SH2D3C: variants seen among roughly 807,000 people sequenced by gnomAD.
SH2D3C encodes the protein SH2 domain-containing protein 3C.
Under a neutral mutation model 75.2 loss-of-function variants are expected in SH2D3C, and 25 were observed. The ratio of observed to expected loss-of-function variants is 0.33; its 90% CI spans 0.24 to 0.46. SH2D3C has a LOEUF of 0.46. Ranked by LOEUF, SH2D3C falls within the 20% of genes least tolerant of loss-of-function variation. The pLI is 1.00. For synonymous variants in SH2D3C, 450 were observed against 473.7 expected (o/e 0.95, Z 0.65); for missense variants, 933 against 1,165.3 (o/e 0.80, Z 2.90).
At position 127,751,043 on chromosome 9, in the gene SH2D3C, C is replaced by A. The variant is rs1845187118; in HGVS notation, c.684+129G>T. 4.7e-6 allele frequency: 4 copies of A among 848,980 alleles called. No homozygotes were observed. Among genetic ancestry groups the A allele is most frequent in the African/African-American group, 1.7e-5 (1 of 59,326 alleles). 52.6% of individuals were successfully genotyped at this position (848,980 alleles called of 1,614,324 possible). A position where few individuals can be genotyped will look rare whatever the true frequency, so the allele number is the denominator to read the frequency against. The stretch of plus-strand genomic sequence containing the variant: ...TAAAGGGCAGAGCTAGACCTCATCC[C>A]AGTCCATTCTGATTGAATCCACCAA... On this transcript the variant is annotated intron_variant, in intron 4 of 11. Coordinates refer to ENST00000314830, the MANE Select transcript of SH2D3C (RefSeq NM_170600.3). This position sits in a 1 kb window ranked among gnomAD's most constrained non-coding sequence, Gnocchi z 4.1.
chr9:127,769,500 C>A (rs56853710), intron 2 of SH2D3C, among the ~76,000 whole-genome samples: 11,050 of 151,214 alleles, frequency 0.073, 959 homozygotes, highest in African/African-American at 0.21. Flanking sequence ...CACACACACA[C>A]ACAAAATTAG....
intron 2 of SH2D3C, among the ~76,000 whole-genome samples, chr9:127,770,501 C>T (rs896757898): frequency 2.6e-5 from 4 of 152,164 alleles, no homozygotes; most frequent in Admixed American, 6.5e-5. Flanking sequence ...ATCTCATGGG[C>T]CAGGCTGCTC....
chr9:127,742,808 G>A (rs773955599), intron 8 of SH2D3C, 41 bp downstream of exon 8: 1 of 1,503,204 alleles, frequency 6.7e-7, no homozygotes, highest in Non-Finnish European at 9.1e-7. Flanking sequence ...TGCGGTAGCC[G>A]GGGGTTCCCC....
At chr9:127,767,130 G>A (rs1845650672) in intron 2 of SH2D3C, 2 of 1,535,712 alleles carry the variant, frequency 1.3e-6, no homozygotes, top group Non-Finnish European at 1.7e-6. Flanking sequence ...GGAGCCCTCA[G>A]TTTTCCTGAG....
In SH2D3C at chr9:127,749,387, G is replaced by A. The variant is rs1310617689; in HGVS notation, c.963C>T (p.Arg321=). The A allele has an allele frequency of 2.5e-6, 4 of 1,614,076 alleles. No individual in the cohort carries two copies. The highest frequency in any genetic ancestry group is 4.5e-5 in the East Asian group (2 of 44,888). The change falls in exon 5 of 12, where the codon CGC becomes CGT. Residue 321 remains arginine (R), a synonymous_variant. Transcript: ENST00000314830. The surrounding 1 kb of genome is among the most constrained non-coding windows in gnomAD (Gnocchi z 5.9). ...SGAIIYCPVN[R]TFPLRYLEAS... is the part of the protein sequence containing the mutation. Reference sequence around the variant, plus strand: ...CCTCGAGGTAGCGCAGTGGGAAGGTGCGGTTCACCGGGCAGTAGATGATGG... The same window carrying A: ...CCTCGAGGTAGCGCAGTGGGAAGGTACGGTTCACCGGGCAGTAGATGATGG...
At chr9:127,767,390 G>A (rs1845655334) in intron 2 of SH2D3C, 5 of 1,249,150 alleles carry the variant, frequency 4.0e-6, no homozygotes, top group Admixed American at 2.9e-5. Flanking sequence ...TTGACCCAGG[G>A]CATGCAGCTG....
chr9:127,773,546 C>T (rs1845767363), intron 2 of SH2D3C, among the ~76,000 whole-genome samples: 1 of 152,200 alleles, frequency 6.6e-6, no homozygotes, highest in African/African-American at 2.4e-5. Context: ...TGCCAGTTTT[C>T]TTTTGCTAAT....
rs200159203 is a variant in SH2D3C at position 127,739,716 on chromosome 9, G to T, written c.2373C>A (p.Gly791=). 63 of 1,610,848 alleles carry T rather than the reference G, an allele frequency of 3.9e-5. No homozygotes were observed. In the East Asian group the frequency reaches 1.0e-3, roughly 27 times the overall value. ...TGACTTCAGCATTGGTGTGGTACAG[G>T]CCTCCGTGGTGTGCCACTGTGCGGG... is the stretch of plus-strand genomic sequence containing the variant. ...EAARTVAHHG[G]LYHTNAEVKL... is the part of the protein sequence containing the mutation. Residue 791 remains glycine, a synonymous_variant, in exon 11 of 12, where the codon GGC becomes GGA. Coordinates refer to ENST00000314830, the MANE Select transcript of SH2D3C (RefSeq NM_170600.3). This position sits in a 1 kb window ranked among gnomAD's most constrained non-coding sequence, Gnocchi z 4.3.
rs142856456 is a variant in SH2D3C at position 127,739,815 on chromosome 9, G to C, written c.2274C>G (p.Ala758=). 3.8e-6 allele frequency: 6 copies of C among 1,589,270 alleles called. No homozygotes were observed. Among genetic ancestry groups the C allele is most frequent in the Admixed American group, 1.8e-5 (1 of 56,318 alleles). Reference sequence around the variant, plus strand: ...CCCAGGGCTCAGGGCCCTCTGGTGGGGCCGAGTCACACTCCAGCAGGGTGA... The same window carrying C: ...CCCAGGGCTCAGGGCCCTCTGGTGGCGCCGAGTCACACTCCAGCAGGGTGA... ...PLITLLECDS[A]PPEGPEPWGS... Residue 758 remains alanine, a synonymous_variant, in exon 11 of 12, where the codon GCC becomes GCG. Transcript: ENST00000314830. The surrounding 1 kb of genome is among the most constrained non-coding windows in gnomAD (Gnocchi z 4.3).
At chr9:127,740,495 G>C (rs1244541620) in intron 9 of SH2D3C, 126 bp from the exon 10 acceptor site, 5 of 636,028 alleles carry the variant, frequency 7.9e-6, no homozygotes, top group Non-Finnish European at 1.4e-5. Flanking sequence ...TCATGTACCA[G>C]GGACAGTGAT....
chr9:127,777,749 T>C (rs1829050673), intron 1 of SH2D3C, among the ~76,000 whole-genome samples: 1 of 151,698 alleles, frequency 6.6e-6, no homozygotes, highest in African/African-American at 2.4e-5. Flanking sequence ...AGCACAGAGA[T>C]GGAGAACGAA....
At chr9:127,742,180 G>T (rs561955813) in intron 8 of SH2D3C, among the ~76,000 whole-genome samples, 3 of 152,326 alleles carry the variant, frequency 2.0e-5, no homozygotes, top group African/African-American at 7.2e-5. Flanking sequence ...AGAGCTGTGG[G>T]TCAGCAGGGA....
rs774175301 is a variant in SH2D3C at position 127,761,594 on chromosome 9, T to C, written c.555+17A>G. The C allele has an allele frequency of 1.2e-6, 2 of 1,602,806 alleles. No homozygotes were observed. Among genetic ancestry groups the C allele is most frequent in the South Asian group, 2.2e-5 (2 of 90,116 alleles). ...CCTTCAGTGTCCTCTGACCAACCCC[T>C]GGCCAGCCCCTCCTACCTTCACATA... is the stretch of plus-strand genomic sequence containing the variant. On this transcript the variant is annotated intron_variant, in intron 3 of 11. Transcript: ENST00000314830.
intron 1 of SH2D3C, among the ~76,000 whole-genome samples, chr9:127,778,087 A>C (rs1262913434): frequency 1.3e-5 from 2 of 152,122 alleles, no homozygotes; most frequent in African/African-American, 4.8e-5. Context: ...TCCTGGGTTC[A>C]AGCGTTTCTT....
intron 5 of SH2D3C, among the ~76,000 whole-genome samples, chr9:127,747,750 G>A (rs1845076877): frequency 6.6e-6 from 1 of 152,094 alleles, no homozygotes; most frequent in African/African-American, 2.4e-5. Flanking sequence ...ATGTTGGCCA[G>A]GCTTGTCTCA....
At chr9:127,776,094 G>A (rs1845804797) in intron 1 of SH2D3C, among the ~76,000 whole-genome samples, 1 of 152,106 alleles carries the variant, frequency 6.6e-6, no homozygotes, top group South Asian at 2.1e-4. Flanking sequence ...CTCCCAAAGT[G>A]TTGGGATTAC....
intron 4 of SH2D3C, among the ~76,000 whole-genome samples, chr9:127,750,343 C>T (rs898179626): frequency 3.3e-5 from 5 of 151,932 alleles, no homozygotes; most frequent in African/African-American, 7.3e-5. Flanking sequence ...TTAGTAGAGA[C>T]GAGGTTTCAC....
intron 6 of SH2D3C, 131 bp downstream of exon 6, chr9:127,747,016 G>A (rs1845049251): frequency 1.2e-6 from 1 of 810,284 alleles, no homozygotes; most frequent in African/African-American, 1.7e-5. Context: ...CAGGATTCCA[G>A]TGTCAGTTCT....
chr9:127,767,134 T>C lies in SH2D3C; in HGVS notation c.516-5484A>G, dbSNP rs1325009608. The C allele has an allele frequency of 5.9e-6, 9 of 1,535,646 alleles. No individual in the cohort carries two copies. In the Admixed American group the frequency reaches 1.4e-4, roughly 23 times the overall value. On this transcript the variant is annotated intron_variant, in intron 2 of 11. Coordinates refer to ENST00000314830, the MANE Select transcript of SH2D3C (RefSeq NM_170600.3). ...CTCCACCGTCTGGAGCCCTCAGTTT[T>C]CCTGAGTGGGCTGCAGTGTCCAGCA...
Sources: allele counts gnomAD v4.1 joint callset (sites outside exome capture counted in the v4.1 genomes callset), GRCh38; gene constraint gnomAD v4.1.1; non-coding constraint Gnocchi (gnomAD v3.1); transcripts MANE v1.5; gene names NCBI Gene and HGNC (gene_info 2026-07-23, HGNC 2026-07-21).